The following CADM1 variants were observed in gnomAD, a reference collection of about 807,000 sequenced individuals.
CADM1 encodes the protein TSLC-1.
A neutral mutation model predicts 53.1 loss-of-function variants in CADM1; 15 were observed. The ratio of observed to expected loss-of-function variants is 0.28; its 90% CI spans 0.19 to 0.44. CADM1 has a LOEUF of 0.44. Among genes scored for constraint, CADM1 ranks in the 20% least tolerant of loss-of-function variants. CADM1 has a pLI of 1.00. For missense variants in CADM1, 434 were observed against 611.3 expected (o/e 0.71, Z 3.06); for synonymous variants, 281 against 243.0 (o/e 1.16, Z -1.45).
At chr11:115,315,840 T>G (rs1591701845) in intron 1 of CADM1, among the ~76,000 whole-genome samples, 1 of 152,154 alleles carries the variant, frequency 6.6e-6, no homozygotes, top group Non-Finnish European at 1.5e-5. Flanking sequence ...TTTCTTTCTT[T>G]CCCATTTTAG....
chr11:115,200,301 T>C (rs1488556772), intron 8 of CADM1, among the ~76,000 whole-genome samples: 1 of 152,178 alleles, frequency 6.6e-6, no homozygotes, highest in Non-Finnish European at 1.5e-5. Flanking sequence ...CACATTTCCT[T>C]AGTTGAAACA....
intron 1 of CADM1, among the ~76,000 whole-genome samples, chr11:115,491,088 A>T (rs1268763766): frequency 2.7e-5 from 4 of 148,434 alleles, no homozygotes; most frequent in African/African-American, 9.9e-5. Flanking sequence ...TACTGCAATT[A>T]AAAAAAAAAG....
At chr11:115,241,992 A>C (rs1236864108) in intron 1 of CADM1, among the ~76,000 whole-genome samples, 1 of 148,832 alleles carries the variant, frequency 6.7e-6, no homozygotes, top group South Asian at 2.1e-4. Flanking sequence ...TTCCTTTGCT[A>C]GGACACACTG....
intron 1 of CADM1, among the ~76,000 whole-genome samples, chr11:115,281,849 T>C (rs1287677315): frequency 1.3e-5 from 2 of 152,116 alleles, no homozygotes; most frequent in Non-Finnish European, 2.9e-5. Flanking sequence ...CATAATACTA[T>C]ATTTAATGGC....
intron 5 of CADM1, among the ~76,000 whole-genome samples, chr11:115,223,098 C>T (rs1235988588): frequency 1.3e-5 from 2 of 152,174 alleles, no homozygotes; most frequent in Non-Finnish European, 1.5e-5. Context: ...AGTGAAGAAA[C>T]ATTGGGGCAT....
At chr11:115,504,242 G>C in intron 1 of CADM1, 29 bp downstream of exon 1, 1 of 1,565,498 alleles carries the variant, frequency 6.4e-7, no homozygotes, top group Non-Finnish European at 8.7e-7. Flanking sequence ...CGGAGATTTA[G>C]GGGCCAACCG....
chr11:115,422,335 T>C (rs939235999), intron 1 of CADM1, among the ~76,000 whole-genome samples: 1 of 152,162 alleles, frequency 6.6e-6, no homozygotes, highest in East Asian at 1.9e-4. Flanking sequence ...TGTGAATATG[T>C]TCGTTTGACC....
At chr11:115,383,834 C>G (rs1298958505) in intron 1 of CADM1, among the ~76,000 whole-genome samples, 1 of 152,048 alleles carries the variant, frequency 6.6e-6, no homozygotes, top group East Asian at 1.9e-4. Context: ...GGTTCTTTTG[C>G]ATCTGAATTT....
intron 9 of CADM1, 142 bp from the exon 10 acceptor site, chr11:115,191,083 C>A: frequency 1.5e-6 from 1 of 667,142 alleles, no homozygotes; most frequent in Non-Finnish European, 2.6e-6. Context: ...ATGTATTAAT[C>A]CATAAGTACA....
At chr11:115,371,158 A>C (rs1170027278) in intron 1 of CADM1, among the ~76,000 whole-genome samples, 1 of 152,136 alleles carries the variant, frequency 6.6e-6, no homozygotes, top group Non-Finnish European at 1.5e-5. Context: ...AATATGTAAG[A>C]CTTTTTTGTT....
At chr11:115,212,101 G>C (rs1307117052) in intron 7 of CADM1, among the ~76,000 whole-genome samples, 1 of 151,466 alleles carries the variant, frequency 6.6e-6, no homozygotes, top group Admixed American at 6.6e-5. Context: ...CTAGCAATAA[G>C]AGCAATGTGA....
chr11:115,434,447 T>C (rs1288469946), intron 1 of CADM1, among the ~76,000 whole-genome samples: 2 of 152,230 alleles, frequency 1.3e-5, no homozygotes, highest in Non-Finnish European at 2.9e-5. Context: ...TGCCCGACGC[T>C]GACTACACAC....
chr11:115,253,676 T>TA (rs2134984278), intron 1 of CADM1, among the ~76,000 whole-genome samples: 1 of 152,336 alleles, frequency 6.6e-6, no homozygotes, highest in Non-Finnish European at 1.5e-5. Context: ...CAAACCCACC[T>TA]ATTACTAATC....
chr11:115,187,559 C>T (rs949712166), intron 10 of CADM1, among the ~76,000 whole-genome samples: 4 of 152,264 alleles, frequency 2.6e-5, no homozygotes, highest in Admixed American at 6.5e-5. Context: ...CCTGCTCCCC[C>T]GCCCCCAAGT....
At chr11:115,444,866 T>C (rs1039112731) in intron 1 of CADM1, among the ~76,000 whole-genome samples, 1 of 152,194 alleles carries the variant, frequency 6.6e-6, no homozygotes, top group Non-Finnish European at 1.5e-5. Context: ...CAACCATAGC[T>C]TCTACGTAAG....
At chr11:115,355,374 C>G (rs1007903762) in intron 1 of CADM1, among the ~76,000 whole-genome samples, 1 of 152,112 alleles carries the variant, frequency 6.6e-6, no homozygotes, top group African/African-American at 2.4e-5. Flanking sequence ...AAACCAAATA[C>G]TAATTGTTCT....
intron 9 of CADM1, among the ~76,000 whole-genome samples, chr11:115,192,294 G>A (rs1371849934): frequency 1.3e-5 from 2 of 152,184 alleles, no homozygotes; most frequent in Admixed American, 1.3e-4. Flanking sequence ...ACCCTTGGGT[G>A]CTAATAGTTA....
intron 3 of CADM1, among the ~76,000 whole-genome samples, chr11:115,234,220 A>G (rs952764003): frequency 3.3e-5 from 5 of 152,176 alleles, no homozygotes; most frequent in Non-Finnish European, 5.9e-5. Context: ...ATCTTCAATG[A>G]TATTTCTCAG....
chr11:115,171,247 G>A lies in CADM1; in HGVS notation c.*5227C>T, dbSNP rs1938781176. Reference sequence around the variant, plus strand: ...CTGGCAAAAAGGTGTATTAATCTTGGGCATGATTTTATAATAAAACAAAAA... The same window carrying A: ...CTGGCAAAAAGGTGTATTAATCTTGAGCATGATTTTATAATAAAACAAAAA... On this transcript the variant is annotated 3_prime_UTR_variant, in exon 12 of 12. Coordinates refer to ENST00000331581, the MANE Select transcript of CADM1 (RefSeq NM_001301043.2). 1 of 152,086 alleles carries A rather than the reference G, an allele frequency of 6.6e-6. No individual in the cohort carries two copies. Among genetic ancestry groups the A allele is most frequent in the Non-Finnish European group, 1.5e-5 (1 of 68,020 alleles). 9.4% of individuals were successfully genotyped at this position (152,086 alleles called of 1,614,324 possible).
Sources: gnomAD v4.1 joint callset for allele counts (sites outside exome capture counted in the v4.1 genomes callset) on GRCh38, gnomAD v4.1.1 for gene constraint, MANE v1.5 for transcripts, NCBI Gene and HGNC (gene_info 2026-07-23, HGNC 2026-07-21) for gene names.